DIAPH2: variants seen among roughly 807,000 people sequenced by gnomAD.
The protein encoded by DIAPH2 is protein diaphanous homolog 2.
In DIAPH2, 35 loss-of-function variants were observed where a neutral mutation model predicts 92.7. The observed-to-expected ratio is 0.38, with a 90% CI of 0.29 to 0.50. The LOEUF (loss-of-function observed/expected upper bound fraction) is 0.50. DIAPH2 is among the 20% of genes least tolerant of loss of function. DIAPH2 has a pLI of 0.94. For missense variants in DIAPH2, 701 were observed against 819.5 expected, an observed-to-expected ratio of 0.86 and a Z score of 1.77; for synonymous variants, 301 against 280.4, an observed-to-expected ratio of 1.07 and a Z score of -0.73.
chrX:97,303,744 C>T (rs184851188), intron 23 of DIAPH2, among the ~76,000 whole-genome samples: 2 of 111,923 alleles, frequency 1.8e-5, no homozygotes, highest in East Asian at 5.6e-4. Context: ...CTTCTCATGA[C>T]TTTTAATATG....
Position 97,045,853 on chromosome X carries a change from T to A in DIAPH2, c.2051-27088T>A, listed in dbSNP as rs1272406145. ...TGGTATTAGGGTATTTTAGGATTTT[T>A]TTTTTTTTTTTTTTTTTTGAGACAG... is the stretch of plus-strand genomic sequence containing the variant. On this transcript the variant is annotated intron_variant, in intron 17 of 26. Transcript: ENST00000324765. Among the ~76,000 whole-genome samples, 6 of 95,807 alleles carry A rather than the reference T, an allele frequency of 6.3e-5. No homozygotes were observed. The East Asian group carries it at 1.9e-3, about 31-fold the overall frequency. The allele number at this position is 95,807 out of a possible 115,157, so 83.2% of individuals were successfully genotyped here. A position where few individuals can be genotyped will look rare whatever the true frequency, so the allele number is the denominator to read the frequency against.
chrX:97,542,783 A>G (rs146660814), intron 26 of DIAPH2, among the ~76,000 whole-genome samples: 86 of 111,134 alleles, frequency 7.7e-4, no homozygotes, highest in African/African-American at 2.8e-3. Context: ...CTCTGCTTGT[A>G]TTGATCTTAA....
chrX:96,751,875 G>T (rs1484599565), intron 3 of DIAPH2, among the ~76,000 whole-genome samples: 1 of 96,225 alleles, frequency 1.0e-5, no homozygotes, highest in Admixed American at 1.1e-4. Context: ...GGATGGTCTC[G>T]ATCTCCTGAC....
intron 17 of DIAPH2, among the ~76,000 whole-genome samples, chrX:96,971,109 A>G (rs2065925089): frequency 8.9e-6 from 1 of 111,967 alleles, no homozygotes; most frequent in Non-Finnish European, 1.9e-5. Flanking sequence ...AAAATTTTAG[A>G]GTTAGTCTGG....
At chrX:96,901,179 T>C (rs148613285) in intron 5 of DIAPH2, among the ~76,000 whole-genome samples, 5,605 of 110,927 alleles carry the variant, frequency 0.051, 160 homozygotes, top group Middle Eastern at 0.14. Flanking sequence ...TTATTCCTGA[T>C]TTAATCTAGG....
In DIAPH2 at chrX:97,038,465, A is replaced by T. The variant is rs2066426036; in HGVS notation, c.2051-34476A>T. ...TTCCATAGTCATTTTACTAATTTACATTCCCATCAGCAGTGTAAAAGTATT... is the reference window on the plus strand; with the variant it reads ...TTCCATAGTCATTTTACTAATTTACTTTCCCATCAGCAGTGTAAAAGTATT... On this transcript the variant is annotated intron_variant, in intron 17 of 26. Transcript: ENST00000324765. 2.7e-5 allele frequency among the ~76,000 whole-genome samples: 3 copies of T among 110,304 alleles called. No individual in the cohort carries two copies. In the Admixed American group the frequency reaches 2.9e-4, roughly 11 times the overall value.
intron 17 of DIAPH2, among the ~76,000 whole-genome samples, 188 bp downstream of exon 17, chrX:96,965,395 T>C (rs2065888104): frequency 8.9e-6 from 1 of 111,983 alleles, no homozygotes; most frequent in South Asian, 3.7e-4. Context: ...TACCTTTGAA[T>C]TTTATTATAC....
chrX:97,164,304 C>A (rs2067396202), intron 22 of DIAPH2, among the ~76,000 whole-genome samples: 1 of 111,875 alleles, frequency 8.9e-6, no homozygotes, highest in South Asian at 3.8e-4. Flanking sequence ...GTACCTTGTT[C>A]TGACAGGTCA....
intron 26 of DIAPH2, among the ~76,000 whole-genome samples, chrX:97,508,660 C>A (rs1478876962): frequency 1.8e-5 from 2 of 112,154 alleles, no homozygotes; most frequent in African/African-American, 6.5e-5. Context: ...TCATTACTTA[C>A]ATTATGAAGT....
intron 22 of DIAPH2, among the ~76,000 whole-genome samples, chrX:97,197,304 A>G (rs1027281497): frequency 8.9e-6 from 1 of 112,065 alleles, no homozygotes; most frequent in Admixed American, 9.5e-5. Flanking sequence ...GTTCTGAGTC[A>G]CATGGAAGGT....
At chrX:97,175,861 A>G (rs960499391) in intron 22 of DIAPH2, among the ~76,000 whole-genome samples, 2 of 112,399 alleles carry the variant, frequency 1.8e-5, no homozygotes, top group Non-Finnish European at 3.8e-5. Flanking sequence ...ATACGTGAAA[A>G]GTCAGTTACT....
chrX:97,137,804 T>C (rs1204368626), intron 21 of DIAPH2, among the ~76,000 whole-genome samples: 1 of 111,834 alleles, frequency 8.9e-6, no homozygotes, highest in Non-Finnish European at 1.9e-5. Context: ...AATCAAGAAC[T>C]TTTCTTTTCC....
At chrX:97,198,886 C>T (rs2067725085) in intron 22 of DIAPH2, among the ~76,000 whole-genome samples, 1 of 111,430 alleles carries the variant, frequency 9.0e-6, no homozygotes, top group South Asian at 3.7e-4. Context: ...CAGCATTATA[C>T]TTTGTTAAGA....
chrX:97,267,473 T>G (rs1470910085), intron 23 of DIAPH2, among the ~76,000 whole-genome samples: 2 of 111,773 alleles, frequency 1.8e-5, no homozygotes, highest in Non-Finnish European at 3.8e-5. Context: ...TTAAGTTACT[T>G]TGTAACTGTT....
intron 19 of DIAPH2, among the ~76,000 whole-genome samples, chrX:97,087,659 A>G (rs2066793253): frequency 8.9e-6 from 1 of 111,953 alleles, no homozygotes; most frequent in East Asian, 2.8e-4. Context: ...ATATGAGCAT[A>G]TGTTAAAAAC....
At chrX:97,253,393 T>C (rs925228117) in intron 23 of DIAPH2, among the ~76,000 whole-genome samples, 1 of 111,287 alleles carries the variant, frequency 9.0e-6, no homozygotes, top group African/African-American at 3.3e-5. Context: ...ACAATGGTAC[T>C]GGTCAATGGA....
intron 17 of DIAPH2, among the ~76,000 whole-genome samples, chrX:97,037,618 G>A (rs190161748): frequency 9.0e-6 from 1 of 111,550 alleles, no homozygotes; most frequent in Non-Finnish European, 1.9e-5. Flanking sequence ...GCACCTTAAC[G>A]TTTTATTCAT....
chrX:97,428,523 G>A (rs1489358079), intron 25 of DIAPH2, among the ~76,000 whole-genome samples: 4 of 104,410 alleles, frequency 3.8e-5, no homozygotes, highest in Admixed American at 1.0e-4. Flanking sequence ...CAACAAGAGC[G>A]AAACTCTGTC....
chrX:97,305,830 A>T lies in DIAPH2; in HGVS notation c.2845-42286A>T, dbSNP rs759618970. On this transcript the variant is annotated intron_variant, in intron 23 of 26. Transcript: ENST00000324765. ...CAGAGCGAGACTCCTTCTCCAAAAA[A>T]AAAAAAAAAAAGAAAGAAAGAAAGA... Among the ~76,000 whole-genome samples, 20 of 107,653 alleles carry T rather than the reference A, an allele frequency of 1.9e-4. No homozygotes were observed. In the East Asian group the frequency reaches 5.8e-3, roughly 31 times the overall value. 93.5% of individuals were successfully genotyped at this position (107,653 alleles called of 115,157 possible).
Sources: allele counts gnomAD v4.1 joint callset (sites outside exome capture counted in the v4.1 genomes callset), GRCh38; gene constraint gnomAD v4.1.1; transcripts MANE v1.5; gene names NCBI Gene and HGNC (gene_info 2026-07-23, HGNC 2026-07-21).